Variants in FASN observed in about 807,000 individuals in gnomAD.
The protein encoded by FASN is fatty acid synthase.
A neutral mutation model predicts 250.0 loss-of-function variants in FASN; 50 were observed. That is an observed-to-expected ratio of 0.20 (90% CI 0.16 to 0.25). The LOEUF (loss-of-function observed/expected upper bound fraction) is 0.25. Ranked by LOEUF, FASN falls within the 10% of genes least tolerant of loss-of-function variation. The probability of loss-of-function intolerance (pLI) is 1.00; values close to 1 mark genes in which losing one functional copy is unlikely to be tolerated. For missense variants in FASN, 3,031 were observed against 3,498.5 expected, an observed-to-expected ratio of 0.87 and a Z score of 3.37; for synonymous variants, 1,909 against 1,584.0, an observed-to-expected ratio of 1.21 and a Z score of -4.87.
chr17:82,080,279 G>A (rs1448181972), intron 40 of FASN, 41 bp from the exon 41 acceptor site: 1 of 1,611,968 alleles, frequency 6.2e-7, no homozygotes, highest in African/African-American at 1.3e-5. Flanking sequence ...GGAAGGGGCG[G>A]GGCCTCCTAA....
chr17:82,090,016 T>C (rs1178967197), intron 11 of FASN, among the ~76,000 whole-genome samples: 1 of 152,294 alleles, frequency 6.6e-6, no homozygotes, highest in Admixed American at 6.5e-5. Flanking sequence ...ATGTGGCCCA[T>C]GGGGCTCAGA....
In FASN at chr17:82,083,214, T is replaced by C. The variant is rs2034023626; in HGVS notation, c.5553A>G (p.Lys1851=). 2.5e-6 allele frequency: 4 copies of C among 1,612,540 alleles called. No homozygotes were observed. Among genetic ancestry groups the C allele is most frequent in the South Asian group, 2.2e-5 (2 of 91,090 alleles). Residue 1851 remains lysine (K), a synonymous_variant, in exon 32 of 43, where the codon AAA becomes AAG. Transcript: ENST00000306749. ...RYMAQGKHIG[K]VVVQVLAEEP... ...CTCCTCCCCTCACCTGCACGACGAC[T>C]TTGCCAATGTGCTTCCCTTGGGCCA...
chr17:82,092,885 G>A lies in FASN; in HGVS notation c.778+12C>T, dbSNP rs370833712. 6.8e-5 allele frequency: 108 copies of A among 1,596,516 alleles called. No individual in the cohort carries two copies. The highest frequency in any genetic ancestry group is 1.1e-4 in the African/African-American group (8 of 74,646). On this transcript the variant is annotated intron_variant, in intron 6 of 42. Transcript: ENST00000306749. ...CTGCCCCCCAGCACCCCGGAACCCCGGCAGAGCCCACCTTGCTCCTTGAAG... is the reference window on the plus strand; with the variant it reads ...CTGCCCCCCAGCACCCCGGAACCCCAGCAGAGCCCACCTTGCTCCTTGAAG...
Position 82,091,286 on chromosome 17 carries a change from C to T in FASN, c.1428G>A (p.Glu476=). The change falls in exon 9 of 43, where the codon GAG becomes GAA. Residue 476 remains glutamate, a synonymous_variant. Transcript: ENST00000306749. ...CCTGCTGCACCTCTGGGCCACCGCGCTCACCACCCAGCACAGCGTAGCCAC... is the reference window on the plus strand; with the variant it reads ...CCTGCTGCACCTCTGGGCCACCGCGTTCACCACCCAGCACAGCGTAGCCAC... ...PFRGYAVLGG[E]RGGPEVQQVP... is the part of the protein sequence containing the mutation. 1 of 1,608,460 alleles carries T rather than the reference C, an allele frequency of 6.2e-7. No individual in the cohort carries two copies. Among genetic ancestry groups the T allele is most frequent in the Non-Finnish European group, 8.5e-7 (1 of 1,178,194 alleles).
Position 82,086,376 on chromosome 17 carries a change from G to C in FASN, c.3610C>G (p.Gln1204Glu). 1 of 1,609,522 alleles carries C rather than the reference G, an allele frequency of 6.2e-7. No homozygotes were observed. Among genetic ancestry groups the C allele is most frequent in the Non-Finnish European group, 8.5e-7 (1 of 1,179,772 alleles). ...LQLELAQVLA[Q>E]ERPKLPEDPL... ...TCCTCTGGCAGCTTGGGCCTCTCCTGGGCCAGCACCTGCGCCAGCTCCAGC... is the reference window on the plus strand; with the variant it reads ...TCCTCTGGCAGCTTGGGCCTCTCCTCGGCCAGCACCTGCGCCAGCTCCAGC... The change falls in exon 22 of 43, where the codon CAG becomes GAG. Residue 1204 changes from glutamine to glutamate, a missense_variant. Physicochemically the swap from Gln to Glu is conservative, Grantham distance 29. Coordinates refer to ENST00000306749, the MANE Select transcript of FASN (RefSeq NM_004104.5).
Position 82,081,256 on chromosome 17 carries a change from C to A in FASN, c.6503G>T (p.Arg2168Leu), listed in dbSNP as rs770758708. Reference protein sequence around the residue: ...MSVEVRQTLERELNLVLSVRE... With the variant: ...MSVEVRQTLELELNLVLSVRE... ...CACGGACAGCACCAGGTTGAGCTCA[C>A]GCTCCAGCGTCTGGCGCACCTCCAC... Residue 2168 changes from arginine (R) to leucine (L), a missense_variant, in exon 38 of 43, where the codon CGT becomes CTT. Transcript: ENST00000306749. The A allele has an allele frequency of 1.3e-6, 2 of 1,576,344 alleles. No individual in the cohort carries two copies. The highest frequency in any genetic ancestry group is 3.7e-5 in the Admixed American group (2 of 54,262).
rs1482404197 is a variant in FASN, at chr17:82,083,560, G to A, written c.5298C>T (p.Phe1766=). 1.2e-6 allele frequency: 2 copies of A among 1,612,822 alleles called. No homozygotes were observed. Among genetic ancestry groups the A allele is most frequent in the Admixed American group, 3.3e-5 (2 of 60,022 alleles). ...SVRCLATHGR[F]LEIGKFDLSQ... ...AAAGGTCGAATTTGCCAATTTCCAG[G>A]AAGCGACCGTGCGTAGCCAAGCACC... The change falls in exon 31 of 43, where the codon TTC becomes TTT. Residue 1766 remains phenylalanine, a synonymous_variant. Coordinates refer to ENST00000306749, the MANE Select transcript of FASN (RefSeq NM_004104.5).
At chr17:82,086,199 AGGGT>A (rs2034094457) in intron 22 of FASN, 51 bp downstream of exon 22, 3 of 1,534,868 alleles carry the variant, frequency 2.0e-6, no homozygotes, top group East Asian at 2.4e-5. Context: ...AACTGATGTC[AGGGT>A]GGGTCCTACC....
At position 82,081,779 on chromosome 17, in the gene FASN, G is replaced by T; in HGVS notation, c.6228C>A (p.Asn2076Lys). The T allele has an allele frequency of 1.9e-6, 3 of 1,612,540 alleles. No individual in the cohort carries two copies. The highest frequency in any genetic ancestry group is 2.5e-6 in the Non-Finnish European group (3 of 1,179,988). Residue 2076 changes from asparagine to lysine, a missense_variant, in exon 37 of 43, where the codon AAC becomes AAA. Asn to Lys is a moderately conservative substitution (Grantham distance 94). Coordinates refer to ENST00000306749, the MANE Select transcript of FASN (RefSeq NM_004104.5). ...GCAGCGTGCCACTGACGATCGTGTCGTTGGTGCTCATCGTCTCCACCAAAA... is the reference window on the plus strand; with the variant it reads ...GCAGCGTGCCACTGACGATCGTGTCTTTGGTGCTCATCGTCTCCACCAAAA... ...VGILVETMST[N>K]DTIVSGTLPQ...
Position 82,083,956 on chromosome 17 carries a change from AC to A in FASN, c.5098+18del, listed in dbSNP as rs753025464. ...CGGGGCCAGGAGGGCAGCGGGAGGC[AC>A]CGGGGGCGGGGCCTTACCCACGGTG... On this transcript the variant is annotated intron_variant, in intron 29 of 42. Transcript: ENST00000306749. 10 of 1,543,850 alleles carry A rather than the reference AC, an allele frequency of 6.5e-6. No individual in the cohort carries two copies. The highest frequency in any genetic ancestry group is 5.9e-5 in the Admixed American group (3 of 50,940).
intron 2 of FASN, 97 bp downstream of exon 2, chr17:82,096,222 G>A (rs575025700): frequency 1.3e-6 from 2 of 1,578,120 alleles, no homozygotes; most frequent in African/African-American, 2.7e-5. Flanking sequence ...CCAGTGCCTG[G>A]GTGGTGAGGA....
Position 82,098,190 on chromosome 17 carries a change from A to AGCGCGGCGGAGCGGGAGGCTGG in FASN, c.-78_-77insCCAGCCTCCCGCTCCGCCGCGC, listed in dbSNP as rs1568120413. 8.3e-6 allele frequency: 3 copies of AGCGCGGCGGAGCGGGAGGCTGG among 363,344 alleles called. No individual in the cohort carries two copies. Among genetic ancestry groups the AGCGCGGCGGAGCGGGAGGCTGG allele is most frequent in the Non-Finnish European group, 1.5e-5 (3 of 203,552 alleles). 22.5% of individuals were successfully genotyped at this position (363,344 alleles called of 1,614,324 possible). A position where few individuals can be genotyped will look rare whatever the true frequency, so the allele number is the denominator to read the frequency against. On this transcript the variant is annotated 5_prime_UTR_variant, in exon 1 of 43. Transcript: ENST00000306749. ...TGGAGCGCGGCGGAGCGGGAGGCTG[A>AGCGCGGCGGAGCGGGAGGCTGG]AGCGCGGCGGAGAGGGAGGCCGGGG... is the stretch of plus-strand genomic sequence containing the variant.
chr17:82,084,763 T>A (rs1256716285), intron 26 of FASN, 36 bp downstream of exon 26: 18 of 1,549,042 alleles, frequency 1.2e-5, no homozygotes, highest in Non-Finnish European at 1.5e-5. Flanking sequence ...TCGGGTGCAG[T>A]CTCCCGGGAG....
chr17:82,093,886 G>T (rs2034260009), intron 3 of FASN, 115 bp from the exon 4 acceptor site: 3 of 1,154,078 alleles, frequency 2.6e-6, no homozygotes, highest in Non-Finnish European at 3.7e-6. Context: ...TTGGGGTGAG[G>T]GGGGGTCCAT....
Position 82,082,605 on chromosome 17 carries a change from G to C in FASN, c.5841C>G (p.Ser1947Arg), listed in dbSNP as rs1389837417. 6.2e-7 allele frequency: 1 copy of C among 1,610,730 alleles called. No individual in the cohort carries two copies. Among genetic ancestry groups the C allele is most frequent in the Non-Finnish European group, 8.5e-7 (1 of 1,179,904 alleles). ...VQVQVSTSNI[S>R]SLEGARGLIA... ...TGAGGCCCCGGGCCCCCTCCAGTGA[G>C]CTGATGTTGCTGGTGGACACCTGCA... Residue 1947 changes from serine to arginine, a missense_variant, in exon 34 of 43, where the codon AGC (serine) becomes AGG (arginine). Physicochemically the swap from Ser to Arg is moderately radical, Grantham distance 110 (BLOSUM62 -1). Coordinates refer to ENST00000306749, the MANE Select transcript of FASN (RefSeq NM_004104.5).
Position 82,086,437 on chromosome 17 carries a change from C to A in FASN, c.3549G>T (p.Ser1183=), listed in dbSNP as rs72863336. The part of the protein sequence containing the change: ...PSQQELPRLL[S]AACRLQLNGN... Reference sequence around the variant, plus strand: ...CGTTGAGCTGAAGCCTGCAGGCAGCCGACAACAGCCGGGGCAGTTCCTGCT... The same window carrying A: ...CGTTGAGCTGAAGCCTGCAGGCAGCAGACAACAGCCGGGGCAGTTCCTGCT... The change falls in exon 22 of 43, where the codon TCG becomes TCT. Residue 1183 remains serine (S), a synonymous_variant. Coordinates refer to ENST00000306749, the MANE Select transcript of FASN (RefSeq NM_004104.5). 5 of 1,611,876 alleles carry A rather than the reference C, an allele frequency of 3.1e-6. No individual in the cohort carries two copies. The highest frequency in any genetic ancestry group is 4.2e-6 in the Non-Finnish European group (5 of 1,179,918).
chr17:82,083,677 C>T (rs1410687625), intron 30 of FASN, 38 bp from the exon 31 acceptor site: 4 of 1,603,322 alleles, frequency 2.5e-6, no homozygotes, highest in Non-Finnish European at 3.4e-6. Flanking sequence ...ACACCCACTG[C>T]AAGCCCAGCC....
Position 82,089,016 on chromosome 17 carries a change from G to A in FASN, c.2257C>T (p.Pro753Ser), listed in dbSNP as rs1290086128. 3 of 1,608,724 alleles carry A rather than the reference G, an allele frequency of 1.9e-6. No individual in the cohort carries two copies. The African/African-American group carries it at 4.0e-5, about 22-fold the overall frequency. ...VLFQEALWHV[P>S]EHAVVLEIAP... ...ATCTCCAGCACCACCGCGTGCTCAG[G>A]CACGTGCCACAGGGCCTCCTGGAAC... The change falls in exon 14 of 43, where the codon CCT becomes TCT. Residue 753 changes from proline to serine, a missense_variant. Physicochemically the swap from Pro to Ser is moderately conservative, Grantham distance 74. Coordinates refer to ENST00000306749, the MANE Select transcript of FASN (RefSeq NM_004104.5).
chr17:82,082,814 G>A, intron 33 of FASN, 100 bp downstream of exon 33: 1 of 1,552,242 alleles, frequency 6.4e-7, no homozygotes, highest in Non-Finnish European at 8.8e-7. Flanking sequence ...ACAGACCCCA[G>A]GCACCGTGAC....
Sources: allele counts gnomAD v4.1 joint callset (sites outside exome capture counted in the v4.1 genomes callset), GRCh38; gene constraint gnomAD v4.1.1; transcripts MANE v1.5; gene names NCBI Gene and HGNC (gene_info 2026-07-23, HGNC 2026-07-21).